MYO1C: variants seen among roughly 807,000 people sequenced by gnomAD.
MYO1C encodes the protein myosin IC, also known as unconventional myosin-Ic.
A neutral mutation model predicts 150.8 loss-of-function variants in MYO1C; 104 were observed. The ratio of observed to expected loss-of-function variants is 0.69; its 90% CI spans 0.59 to 0.81. The LOEUF is 0.81. Among genes scored for constraint, MYO1C ranks in the 30% least tolerant of loss-of-function variants. MYO1C has a pLI of 0.00. For missense variants in MYO1C, 1,504 were observed against 1,435.0 expected (o/e 1.05, Z -0.78); for synonymous variants, 663 against 579.9 (o/e 1.14, Z -2.06).
chr17:1,482,166 C>T (rs916171813), intron 5 of MYO1C, among the ~76,000 whole-genome samples: 43 of 152,134 alleles, frequency 2.8e-4, no homozygotes, highest in African/African-American at 1.0e-3. Context: ...CCTGCCTCAG[C>T]CTCCAGAGGA....
chr17:1,469,252 G>A (rs889877400), intron 25 of MYO1C: 19 of 482,584 alleles, frequency 3.9e-5, no homozygotes, highest in Non-Finnish European at 7.0e-5. Flanking sequence ...TATAGACGGG[G>A]TAAATACAGT....
At chr17:1,483,140 G>C (rs532985778) in intron 3 of MYO1C, 81 bp from the exon 4 acceptor site, 3 of 1,393,860 alleles carry the variant, frequency 2.2e-6, no homozygotes, top group South Asian at 2.6e-5. Flanking sequence ...CATCTGGGTG[G>C]AGTCCTCTTG....
chr17:1,472,928 C>T lies in MYO1C; in HGVS notation c.1798-700G>A, dbSNP rs570546161. On this transcript the variant is annotated intron_variant, in intron 17 of 31. Coordinates refer to ENST00000648651, the MANE Select transcript of MYO1C (RefSeq NM_001080779.2). ...AGAACGAGGGGGCCGGAGCCGGGCG[C>T]GGTGGCTCACGCCTGTCATCCCAGC... 3.3e-5 allele frequency among the ~76,000 whole-genome samples: 5 copies of T among 152,320 alleles called. No homozygotes were observed. The South Asian group carries it at 1.0e-3, about 32-fold the overall frequency.
intron 4 of MYO1C, 36 bp from the exon 5 acceptor site, chr17:1,482,594 C>T (rs774889582): frequency 1.3e-6 from 2 of 1,581,900 alleles, no homozygotes; most frequent in Admixed American, 3.4e-5. Context: ...ACACCTGGCA[C>T]TCTCCCCCTG....
intron 1 of MYO1C, chr17:1,485,815 G>GC (rs2074644366): frequency 1.5e-6 from 1 of 657,578 alleles, no homozygotes; most frequent in Non-Finnish European, 1.9e-6. Flanking sequence ...CCCCCGCACC[G>GC]CCCCCACCCG....
At chr17:1,483,115 A>G (rs2074571132) in intron 3 of MYO1C, 56 bp from the exon 4 acceptor site, 3 of 1,501,840 alleles carry the variant, frequency 2.0e-6, no homozygotes, top group South Asian at 2.4e-5. Context: ...GAGCCCCACG[A>G]GAGTCCCGCT....
chr17:1,471,667 G>A (rs2074305938), intron 19 of MYO1C, among the ~76,000 whole-genome samples: 1 of 152,214 alleles, frequency 6.6e-6, no homozygotes, highest in South Asian at 2.1e-4. Context: ...CACGTGGACG[G>A]AGGCCTCCTG....
chr17:1,479,292 TC>T lies in MYO1C; in HGVS notation c.1092+138del. 1.4e-6 allele frequency: 1 copy of T among 693,054 alleles called. No homozygotes were observed. The allele number at this position is 693,054 out of a possible 1,614,324, so 42.9% of individuals were successfully genotyped here. A position where few individuals can be genotyped will look rare whatever the true frequency, so the allele number is the denominator to read the frequency against. The stretch of plus-strand genomic sequence containing the variant: ...ACAGGCGTGAGCCACGGCGCTCGGC[TC>T]TCACTCTGCTTCTCTGAGCAGCCTT... On this transcript the variant is annotated intron_variant, in intron 9 of 31. Coordinates refer to ENST00000648651, the MANE Select transcript of MYO1C (RefSeq NM_001080779.2). The surrounding 1 kb of genome is among the most constrained non-coding windows in gnomAD (Gnocchi z 4.2).
Position 1,472,226 on chromosome 17 carries a change from G to A in MYO1C, c.1800C>T (p.Val600=), listed in dbSNP as rs2074319514. 1.2e-6 allele frequency: 2 copies of A among 1,613,968 alleles called. No homozygotes were observed. The highest frequency in any genetic ancestry group is 1.7e-6 in the Non-Finnish European group (2 of 1,179,938). ...GGAGGCTCATCTTGAACTGGGTGGC[G>A]ACCTGGCGAGCCAAGAGGCATGGGA... ...ELSDKKRPET[V]ATQFKMSLLQ... is the part of the protein sequence containing the mutation. Residue 600 remains valine (V), a splice_region_variant and synonymous_variant, in exon 18 of 32, where the codon GTC becomes GTT. Transcript: ENST00000648651.
At position 1,469,597 on chromosome 17, in the gene MYO1C, C is replaced by T; in HGVS notation, c.2544G>A (p.Arg848=). The T allele has an allele frequency of 2.5e-6, 4 of 1,612,776 alleles. No individual in the cohort carries two copies. The highest frequency in any genetic ancestry group is 3.4e-6 in the Non-Finnish European group (4 of 1,179,486). ...ACACCATGTTCTTTATGCACAACTC[C>T]CGCAGAAGCTCTGAGGCCTAAGGGG... is the stretch of plus-strand genomic sequence containing the variant. ...PALREASELL[R]ELCIKNMVWK... The change falls in exon 25 of 32, where the codon CGG becomes CGA. Residue 848 remains arginine (R), a synonymous_variant. Coordinates refer to ENST00000648651, the MANE Select transcript of MYO1C (RefSeq NM_001080779.2).
Position 1,477,972 on chromosome 17 carries a change from C to T in MYO1C, c.1402-1G>A, listed in dbSNP as rs749292748. On this transcript the variant is annotated splice_acceptor_variant, in intron 12 of 31. Transcript: ENST00000648651. LOFTEE classifies it high-confidence loss of function. ...TGTTGAAATACTGGACGGGCTCCCA[C>T]TGAGGGGCAGAAGGGAAGGAAGGGA... The T allele has an allele frequency of 5.6e-6, 9 of 1,614,140 alleles. No homozygotes were observed. The highest frequency in any genetic ancestry group is 7.6e-6 in the Non-Finnish European group (9 of 1,179,992).
At chr17:1,465,859 G>T in intron 31 of MYO1C, 107 bp from the exon 32 acceptor site, 1 of 809,934 alleles carries the variant, frequency 1.2e-6, no homozygotes, top group South Asian at 4.8e-5. Context: ...GGAGAATGGG[G>T]TCTCGCTATA....
At chr17:1,476,380 C>A (rs374663030) in intron 14 of MYO1C, among the ~76,000 whole-genome samples, 14 of 152,326 alleles carry the variant, frequency 9.2e-5, no homozygotes, top group Admixed American at 3.9e-4. Flanking sequence ...ACCATGTTGG[C>A]CAGGCTGGTC....
At chr17:1,468,828 C>T in intron 25 of MYO1C, 1 of 447,186 alleles carries the variant, frequency 2.2e-6, no homozygotes, top group Non-Finnish European at 4.2e-6. Flanking sequence ...CACTAATACT[C>T]AAGGTTACTG....
rs1485340122 is a variant in MYO1C at position 1,482,636 on chromosome 17, C to A, written c.547-78G>T. ...CCACCCCGCCTTGTAGCTACTGCTG[C>A]CCCTCCCCTCCCGCACTGGGCTTCT... is the stretch of plus-strand genomic sequence containing the variant. On this transcript the variant is annotated intron_variant, in intron 4 of 31. Coordinates refer to ENST00000648651, the MANE Select transcript of MYO1C (RefSeq NM_001080779.2). 1.5e-4 allele frequency: 137 copies of A among 936,158 alleles called. 2 individuals are homozygous for A. In the African/African-American group the frequency reaches 2.3e-3, roughly 16 times the overall value. The allele number at this position is 936,158 out of a possible 1,614,324, so 58.0% of individuals were successfully genotyped here. A position where few individuals can be genotyped will look rare whatever the true frequency, so the allele number is the denominator to read the frequency against.
At chr17:1,492,277 A>G in intron 1 of MYO1C, 136 bp downstream of exon 1, 2 of 834,130 alleles carry the variant, frequency 2.4e-6, no homozygotes, top group Non-Finnish European at 4.0e-6. Flanking sequence ...CGTCTTGTTC[A>G]GTCTGTTCTG....
At chr17:1,487,265 C>T (rs971843119) in intron 1 of MYO1C, among the ~76,000 whole-genome samples, 1 of 152,230 alleles carries the variant, frequency 6.6e-6, no homozygotes, top group African/African-American at 2.4e-5. Flanking sequence ...GCTTCCGATC[C>T]GGTGGGGAGA....
intron 1 of MYO1C, chr17:1,485,489 C>A: frequency 1.7e-6 from 1 of 602,762 alleles, no homozygotes; most frequent in Non-Finnish European, 2.2e-6. Flanking sequence ...TCTCAGGCGT[C>A]CCCGGCGGCT....
chr17:1,485,609 G>A (rs2074636888), intron 1 of MYO1C: 3 of 1,024,734 alleles, frequency 2.9e-6, no homozygotes, highest in South Asian at 4.2e-5. Context: ...GGCCGCGCCC[G>A]CTTCCTGGCG....
Sources: allele counts gnomAD v4.1 joint callset (sites outside exome capture counted in the v4.1 genomes callset), GRCh38; gene constraint gnomAD v4.1.1; non-coding constraint Gnocchi (gnomAD v3.1); transcripts MANE v1.5; gene names NCBI Gene and HGNC (gene_info 2026-07-23, HGNC 2026-07-21).